The following EML6 variants were observed in gnomAD, a reference collection of about 807,000 sequenced individuals.
EML6 encodes EMAP like 6.
A neutral mutation model predicts 240.1 loss-of-function variants in EML6; 154 were observed. That is an observed-to-expected ratio of 0.64 (90% CI 0.56 to 0.73). EML6 has a LOEUF of 0.73. Ranked by LOEUF, EML6 falls within the 30% of genes least tolerant of loss-of-function variation. The probability of loss-of-function intolerance (pLI) is 0.00; values close to 1 mark genes in which losing one functional copy is unlikely to be tolerated. For synonymous variants in EML6, 1,148 were observed against 899.0 expected, an observed-to-expected ratio of 1.28 and a Z score of -4.95; for missense variants, 2,964 against 2,474.6, an observed-to-expected ratio of 1.20 and a Z score of -4.20.
At chr2:54,931,360 G>A (rs1220486291) in intron 28 of EML6, among the ~76,000 whole-genome samples, 1 of 152,162 alleles carries the variant, frequency 6.6e-6, no homozygotes, top group Non-Finnish European at 1.5e-5. Flanking sequence ...TGGGAGGGTG[G>A]CACAAGATGT....
chr2:54,749,722 T>A (rs1043713059), intron 2 of EML6, among the ~76,000 whole-genome samples: 2 of 152,184 alleles, frequency 1.3e-5, no homozygotes, highest in Non-Finnish European at 2.9e-5. Flanking sequence ...TTAAGTAATT[T>A]GCCCCAAAAC....
At chr2:54,948,659 C>T (rs1675810283) in intron 28 of EML6, among the ~76,000 whole-genome samples, 2 of 152,210 alleles carry the variant, frequency 1.3e-5, no homozygotes, top group African/African-American at 4.8e-5. Context: ...GACCACGGTG[C>T]CTCAAGCGTG....
intron 26 of EML6, among the ~76,000 whole-genome samples, chr2:54,922,046 A>G (rs1340475380): frequency 6.6e-6 from 1 of 152,210 alleles, no homozygotes; most frequent in Non-Finnish European, 1.5e-5. Context: ...CCAAAGCACA[A>G]GCAAAAACAA....
Position 54,871,513 on chromosome 2 carries a change from C to G in EML6, c.2252C>G (p.Ala751Gly), listed in dbSNP as rs769181345. 6.4e-7 allele frequency: 1 copy of G among 1,551,172 alleles called. No individual in the cohort carries two copies. Among genetic ancestry groups the G allele is most frequent in the South Asian group, 1.2e-5 (1 of 84,050 alleles). Residue 751 changes from alanine (A) to glycine (G), a missense_variant, in exon 16 of 42, where the codon GCT becomes GGT. Coordinates refer to ENST00000356458, the MANE Select transcript of EML6 (RefSeq NM_001039753.4). ...CTGTTATTTAAGGTTGGAAGAGATG[C>G]TGCTATTCATGTGTGGGACACACAA... ...YVATGQVGRDAAIHVWDTQTL... is the reference protein window; with the variant it reads ...YVATGQVGRDGAIHVWDTQTL...
intron 2 of EML6, among the ~76,000 whole-genome samples, chr2:54,798,912 T>A (rs564833651): frequency 8.5e-5 from 13 of 152,358 alleles, no homozygotes; most frequent in Admixed American, 2.6e-4. Flanking sequence ...TACAGGTGTT[T>A]CATAGTTGCC....
chr2:54,809,011 G>T (rs1479468287), intron 2 of EML6, among the ~76,000 whole-genome samples: 2 of 151,832 alleles, frequency 1.3e-5, no homozygotes, highest in African/African-American at 4.8e-5. Flanking sequence ...TTTTTTTGTT[G>T]CCATATATAA....
chr2:54,772,952 A>G (rs534583604), intron 2 of EML6, among the ~76,000 whole-genome samples: 4 of 152,344 alleles, frequency 2.6e-5, no homozygotes, highest in South Asian at 2.1e-4. Context: ...TGTTGACTTG[A>G]TGGTCTGAGA....
At chr2:54,935,271 C>T (rs1456469534) in intron 28 of EML6, among the ~76,000 whole-genome samples, 2 of 152,094 alleles carry the variant, frequency 1.3e-5, no homozygotes, top group Non-Finnish European at 2.9e-5. Context: ...CTGTGAATGG[C>T]GTCTGGGCTC....
chr2:54,808,156 C>T (rs1021177951), intron 2 of EML6, among the ~76,000 whole-genome samples: 1 of 152,056 alleles, frequency 6.6e-6, no homozygotes, highest in African/African-American at 2.4e-5. Flanking sequence ...TGCCCAAGCC[C>T]ACCAGGAAGG....
At chr2:54,868,988 T>C (rs1478586087) in intron 14 of EML6, 193 bp from the exon 15 acceptor site, 2 of 509,924 alleles carry the variant, frequency 3.9e-6, no homozygotes, top group Non-Finnish European at 7.0e-6. Flanking sequence ...TCAGTGCCCA[T>C]GTGCCTTTTT....
At chr2:54,728,750 C>A (rs533480249) in intron 2 of EML6, among the ~76,000 whole-genome samples, 1 of 152,302 alleles carries the variant, frequency 6.6e-6, no homozygotes, top group Non-Finnish European at 1.5e-5. Context: ...CACACACACA[C>A]CCCCAGAACA....
At chr2:54,818,265 A>G (rs191906730) in intron 4 of EML6, among the ~76,000 whole-genome samples, 1 of 150,108 alleles carries the variant, frequency 6.7e-6, no homozygotes, top group East Asian at 1.9e-4. Flanking sequence ...TTTTATTGTT[A>G]AATTATTACT....
chr2:54,785,611 T>A (rs1362210537), intron 2 of EML6, among the ~76,000 whole-genome samples: 1 of 152,234 alleles, frequency 6.6e-6, no homozygotes, highest in African/African-American at 2.4e-5. Flanking sequence ...TATATGTGTT[T>A]ACATTTATCT....
Position 54,971,907 on chromosome 2 carries a change from A to T in EML6, c.*1812A>T, listed in dbSNP as rs1677037632. On this transcript the variant is annotated 3_prime_UTR_variant, in exon 42 of 42. Coordinates refer to ENST00000356458, the MANE Select transcript of EML6 (RefSeq NM_001039753.4). ...GATTTTGATTTTATGTATGTTCATA[A>T]ATCCTGCACTGTATGATATATGTGA... 6.6e-6 allele frequency: 1 copy of T among 152,248 alleles called. No homozygotes were observed. The highest frequency in any genetic ancestry group is 1.5e-5 in the Non-Finnish European group (1 of 68,042). The allele number at this position is 152,248 out of a possible 1,614,324, so 9.4% of individuals were successfully genotyped here.
intron 18 of EML6, among the ~76,000 whole-genome samples, chr2:54,892,005 A>G (rs1402368288): frequency 6.6e-6 from 1 of 152,202 alleles, no homozygotes; most frequent in Admixed American, 6.5e-5. Context: ...TATATTTTAC[A>G]TTTACAGTCA....
intron 25 of EML6, among the ~76,000 whole-genome samples, chr2:54,914,996 C>T (rs559412474): frequency 2.6e-5 from 4 of 152,150 alleles, no homozygotes; most frequent in Non-Finnish European, 1.5e-5. Flanking sequence ...TGTAACCTGT[C>T]TGTGGGCCTC....
At chr2:54,741,117 T>C (rs1026151539) in intron 2 of EML6, among the ~76,000 whole-genome samples, 14 of 152,068 alleles carry the variant, frequency 9.2e-5, no homozygotes, top group Admixed American at 3.3e-4. Context: ...AACCACTGAG[T>C]GCCTGGATAC....
intron 8 of EML6, among the ~76,000 whole-genome samples, chr2:54,845,698 A>G (rs141059269): frequency 2.0e-5 from 3 of 152,308 alleles, no homozygotes; most frequent in African/African-American, 7.2e-5. Context: ...TGCATGATGG[A>G]TGAGGTATTG....
chr2:54,734,019 G>T (rs1683282097), intron 2 of EML6, among the ~76,000 whole-genome samples: 1 of 152,138 alleles, frequency 6.6e-6, no homozygotes, highest in Admixed American at 6.6e-5. Flanking sequence ...TAAGTAAAGG[G>T]ATACTAAAAG....
Sources: gnomAD v4.1 joint callset for allele counts (sites outside exome capture counted in the v4.1 genomes callset) on GRCh38, gnomAD v4.1.1 for gene constraint, MANE v1.5 for transcripts, NCBI Gene and HGNC (gene_info 2026-07-23, HGNC 2026-07-21) for gene names.